Variants in RAB11FIP3 observed in about 807,000 individuals in gnomAD.
RAB11FIP3 encodes rab11 family-interacting protein 3.
Under a neutral mutation model 77.8 loss-of-function variants are expected in RAB11FIP3, and 17 were observed. The ratio of observed to expected loss-of-function variants is 0.22; its 90% CI spans 0.15 to 0.33. The LOEUF is 0.33. Among genes scored for constraint, RAB11FIP3 ranks in the 10% least tolerant of loss-of-function variants. The probability of loss-of-function intolerance (pLI) is 1.00; values close to 1 mark genes in which losing one functional copy is unlikely to be tolerated. For missense variants in RAB11FIP3, 1,005 were observed against 1,011.2 expected (o/e 0.99, Z 0.08); for synonymous variants, 437 against 448.2 (o/e 0.98, Z 0.31).
intron 1 of RAB11FIP3, among the ~76,000 whole-genome samples, chr16:449,041 G>A (rs1359346745): frequency 6.6e-6 from 1 of 152,134 alleles, no homozygotes; most frequent in Non-Finnish European, 1.5e-5. Context: ...AAGATAGCTA[G>A]GTCCTGCTCT....
At chr16:444,711 G>A (rs1376339090) in intron 1 of RAB11FIP3, among the ~76,000 whole-genome samples, 1 of 152,134 alleles carries the variant, frequency 6.6e-6, no homozygotes, top group Non-Finnish European at 1.5e-5. Flanking sequence ...CAGGCCGGGT[G>A]CAGTGGCTCA....
intron 3 of RAB11FIP3, among the ~76,000 whole-genome samples, chr16:475,327 G>A (rs1239195452): frequency 1.3e-5 from 2 of 152,228 alleles, no homozygotes; most frequent in Admixed American, 6.5e-5. Flanking sequence ...ATTTTCAAGC[G>A]AGTTCATCTT....
chr16:441,094 C>T (rs562702591), intron 1 of RAB11FIP3, among the ~76,000 whole-genome samples: 2 of 152,338 alleles, frequency 1.3e-5, no homozygotes, highest in African/African-American at 4.8e-5. Flanking sequence ...GTACCTGCCA[C>T]CACGCCTGGC....
chr16:435,127 G>C (rs2055107055), intron 1 of RAB11FIP3, among the ~76,000 whole-genome samples: 1 of 151,446 alleles, frequency 6.6e-6, no homozygotes. Context: ...ATTGCTTGAA[G>C]CTCAGAGGTG....
intron 3 of RAB11FIP3, among the ~76,000 whole-genome samples, chr16:478,701 C>G (rs1028236093): frequency 6.6e-6 from 1 of 152,206 alleles, no homozygotes; most frequent in African/African-American, 2.4e-5. Flanking sequence ...CACGGTGGCT[C>G]ACGCCTATAA....
chr16:495,702 A>AG (rs2031063743), intron 5 of RAB11FIP3, among the ~76,000 whole-genome samples: 1 of 152,176 alleles, frequency 6.6e-6, no homozygotes, highest in South Asian at 2.1e-4. Context: ...CTTAGAGCTG[A>AG]GGGGCTCTAC....
chr16:476,253 T>A (rs1239131282), intron 3 of RAB11FIP3, among the ~76,000 whole-genome samples: 1 of 151,932 alleles, frequency 6.6e-6, no homozygotes, highest in Non-Finnish European at 1.5e-5. Context: ...TTACAGGGAG[T>A]CTGAGTTTGT....
Position 482,579 on chromosome 16 carries a change from T to G in RAB11FIP3, c.958T>G (p.Cys320Gly), listed in dbSNP as rs1298462332. The change falls in exon 4 of 14, where the codon TGT (cysteine) becomes GGT (glycine). Residue 320 changes from cysteine to glycine, a missense_variant. Transcript: ENST00000262305. ...YMGSESTYSE[C>G]ETFTDEDTST... is the part of the protein sequence containing the mutation. Reference sequence around the variant, plus strand: ...GGGCTCCGAGAGCACCTACAGTGAGTGTGAGACCTTCACGGACGAGGACAC... The same window carrying G: ...GGGCTCCGAGAGCACCTACAGTGAGGGTGAGACCTTCACGGACGAGGACAC... The G allele has an allele frequency of 1.2e-6, 2 of 1,613,452 alleles. No homozygotes were observed. The highest frequency in any genetic ancestry group is 1.7e-6 in the Non-Finnish European group (2 of 1,179,992).
At chr16:487,385 G>C (rs1471186273) in intron 4 of RAB11FIP3, among the ~76,000 whole-genome samples, 3 of 152,196 alleles carry the variant, frequency 2.0e-5, no homozygotes, top group African/African-American at 7.2e-5. Flanking sequence ...GCCTCCCAAA[G>C]TGCTGGGATT....
chr16:431,711 ACTGT>A (rs918608167), intron 1 of RAB11FIP3, among the ~76,000 whole-genome samples: 4 of 151,774 alleles, frequency 2.6e-5, no homozygotes, highest in Non-Finnish European at 5.9e-5. Flanking sequence ...CACACAGGTG[ACTGT>A]CTATAAAAGT....
rs2055078269 is a variant in RAB11FIP3, at chr16:433,660, A to G, written c.714+6940A>G. Among the ~76,000 whole-genome samples, 4 of 151,538 alleles carry G rather than the reference A, an allele frequency of 2.6e-5. No homozygotes were observed. The South Asian group carries it at 8.4e-4, about 32-fold the overall frequency. On this transcript the variant is annotated intron_variant, in intron 1 of 13. Transcript: ENST00000262305. Reference sequence around the variant, plus strand: ...TCAGGAGATCGAGACCATCCTAGCTAACACGGTGAAACCCTGTCTCTACTA... The same window carrying G: ...TCAGGAGATCGAGACCATCCTAGCTGACACGGTGAAACCCTGTCTCTACTA...
chr16:520,664 G>A (rs2032645207), intron 13 of RAB11FIP3, 62 bp from the exon 14 acceptor site: 4 of 1,611,326 alleles, frequency 2.5e-6, no homozygotes, highest in Middle Eastern at 1.7e-4. Flanking sequence ...TGTGCGCTGT[G>A]GTTTATGCGC....
intron 5 of RAB11FIP3, among the ~76,000 whole-genome samples, chr16:494,145 T>C (rs546961197): frequency 2.8e-3 from 333 of 120,332 alleles, no homozygotes; most frequent in Middle Eastern, 0.016. Context: ...CGCCTCGGCC[T>C]CCCAAAGTGC....
In RAB11FIP3 at chr16:507,485, G is replaced by A. The variant is rs1022492960; in HGVS notation, c.1499+1858G>A. 5.9e-5 allele frequency among the ~76,000 whole-genome samples: 9 copies of A among 152,172 alleles called. No homozygotes were observed. The highest frequency in any genetic ancestry group is 1.3e-4 in the Non-Finnish European group (9 of 68,032). ...TGGTCTCAAACGCCTGGCCTCAAGCGATCCTCCCACCTTGGCCCCCCAAAG... is the reference window on the plus strand; with the variant it reads ...TGGTCTCAAACGCCTGGCCTCAAGCAATCCTCCCACCTTGGCCCCCCAAAG... On this transcript the variant is annotated intron_variant, in intron 8 of 13. Transcript: ENST00000262305. This position sits in a 1 kb window ranked among gnomAD's most constrained non-coding sequence, Gnocchi z 4.6.
chr16:455,129 T>C (rs1392862229), intron 1 of RAB11FIP3, among the ~76,000 whole-genome samples: 1 of 150,932 alleles, frequency 6.6e-6, no homozygotes, highest in Non-Finnish European at 1.5e-5. Context: ...AAGAATAAGC[T>C]TTCTTGTCTG....
chr16:509,204 G>C (rs976379827), intron 8 of RAB11FIP3, among the ~76,000 whole-genome samples: 1 of 152,206 alleles, frequency 6.6e-6, no homozygotes, highest in Non-Finnish European at 1.5e-5. Context: ...CATCTCAATC[G>C]GACTTTTAAA....
intron 3 of RAB11FIP3, among the ~76,000 whole-genome samples, chr16:481,354 T>G (rs1407672417): frequency 6.6e-6 from 1 of 151,796 alleles, no homozygotes; most frequent in African/African-American, 2.4e-5. Flanking sequence ...CTACTAGAAA[T>G]ACAAAACTTA....
At chr16:491,273 C>T in intron 5 of RAB11FIP3, 1 of 1,304,048 alleles carries the variant, frequency 7.7e-7, no homozygotes, top group Non-Finnish European at 1.0e-6. Context: ...GAATAGGTAA[C>T]TGACCAGCGC....
At chr16:492,121 C>A (rs1376271884) in intron 5 of RAB11FIP3, among the ~76,000 whole-genome samples, 3 of 152,248 alleles carry the variant, frequency 2.0e-5, no homozygotes, top group African/African-American at 7.2e-5. Flanking sequence ...CGAGGCACAT[C>A]CTTGCTGGCG....
Sources: allele counts gnomAD v4.1 joint callset (sites outside exome capture counted in the v4.1 genomes callset), GRCh38; gene constraint gnomAD v4.1.1; non-coding constraint Gnocchi (gnomAD v3.1); transcripts MANE v1.5; gene names NCBI Gene and HGNC (gene_info 2026-07-23, HGNC 2026-07-21).